Variants in CDKAL1 observed in about 807,000 individuals in gnomAD.
CDKAL1 encodes threonylcarbamoyladenosine tRNA methylthiotransferase.
CDKAL1 carries 32 observed loss-of-function variants against 68.2 expected under a neutral mutation model. That is an observed-to-expected ratio of 0.47 (90% CI 0.35 to 0.63). The LOEUF (loss-of-function observed/expected upper bound fraction) is 0.63, where lower values mean the gene tolerates loss of function less well. Ranked by LOEUF, CDKAL1 falls within the 30% of genes least tolerant of loss-of-function variation. The probability of loss-of-function intolerance (pLI) is 0.00; values close to 1 mark genes in which losing one functional copy is unlikely to be tolerated. For missense variants in CDKAL1, 606 were observed against 696.7 expected (o/e 0.87, Z 1.47); for synonymous variants, 234 against 244.3 (o/e 0.96, Z 0.39).
chr6:21,144,991 G>A (rs569096544), intron 13 of CDKAL1, among the ~76,000 whole-genome samples: 1 of 152,280 alleles, frequency 6.6e-6, no homozygotes, highest in Admixed American at 6.5e-5. Flanking sequence ...GACGTGTCCA[G>A]AATAAGTTCT....
At chr6:20,609,279 C>CTTCTCCTTCTCCTT (rs1766485657) in intron 4 of CDKAL1, among the ~76,000 whole-genome samples, 2 of 146,672 alleles carry the variant, frequency 1.4e-5, no homozygotes, top group Admixed American at 1.4e-4. Flanking sequence ...TCCTTCTCCT[C>CTTCTCCTTCTCCTT]CTTCTCCTTC....
intron 5 of CDKAL1, among the ~76,000 whole-genome samples, chr6:20,697,652 A>G (rs552579748): frequency 6.6e-5 from 10 of 152,210 alleles, no homozygotes; most frequent in South Asian, 2.1e-4. Flanking sequence ...TACCGTTTCA[A>G]TTGGATTTCT....
At chr6:21,111,821 C>T (rs1774133111) in intron 13 of CDKAL1, among the ~76,000 whole-genome samples, 2 of 152,294 alleles carry the variant, frequency 1.3e-5, no homozygotes, top group Middle Eastern at 6.8e-3. Flanking sequence ...AATAAAGACT[C>T]ATACAAAAGG....
intron 12 of CDKAL1, among the ~76,000 whole-genome samples, chr6:21,084,116 CAAA>C (rs2150960976): frequency 6.6e-6 from 1 of 152,242 alleles, no homozygotes; most frequent in African/African-American, 2.4e-5. Context: ...CTTGAAAACT[CAAA>C]ACTCTCAGTG....
At chr6:20,563,655 C>CT (rs1428523136) in intron 4 of CDKAL1, among the ~76,000 whole-genome samples, 2,615 of 143,450 alleles carry the variant, frequency 0.018, 69 homozygotes, top group African/African-American at 0.059. Flanking sequence ...CCAACGAGGG[C>CT]TTTTTTTTTT....
rs939518692 is a variant in CDKAL1, at chr6:20,714,487, C to T, written c.372-25032C>T. Among the ~76,000 whole-genome samples the T allele has an allele frequency of 1.5e-4, 22 of 145,614 alleles. 1 individual carries two copies. The highest frequency in any genetic ancestry group is 1.5e-4 in the Non-Finnish European group (10 of 66,900). On this transcript the variant is annotated intron_variant, in intron 5 of 15. Coordinates refer to ENST00000274695, the MANE Select transcript of CDKAL1 (RefSeq NM_017774.3). ...CACTGCAGCCTTGATTTCCCAGGCT[C>T]AAGTGATCCTCCCACTTCAGCCTCC... is the stretch of plus-strand genomic sequence containing the variant.
At chr6:20,632,707 A>G (rs1306476508) in intron 4 of CDKAL1, among the ~76,000 whole-genome samples, 1 of 152,086 alleles carries the variant, frequency 6.6e-6, no homozygotes, top group Non-Finnish European at 1.5e-5. Context: ...TTATTCTTTT[A>G]TTATTCATTC....
chr6:20,544,745 A>T (rs1283035371), intron 2 of CDKAL1, among the ~76,000 whole-genome samples: 5 of 151,698 alleles, frequency 3.3e-5, no homozygotes, highest in African/African-American at 1.2e-4. Flanking sequence ...TCTTCCTGGG[A>T]TTTTGATAGG....
intron 8 of CDKAL1, among the ~76,000 whole-genome samples, chr6:20,841,055 G>A (rs966254940): frequency 6.6e-6 from 1 of 152,086 alleles, no homozygotes; most frequent in African/African-American, 2.4e-5. Flanking sequence ...GGCTGGTCTC[G>A]AATTCCTGAG....
At chr6:20,998,386 C>T (rs1404633503) in intron 10 of CDKAL1, among the ~76,000 whole-genome samples, 1 of 151,964 alleles carries the variant, frequency 6.6e-6, no homozygotes, top group Non-Finnish European at 1.5e-5. Context: ...CTGAGGCAGG[C>T]GGATCACCTG....
chr6:20,665,814 T>C (rs1769511642), intron 5 of CDKAL1, among the ~76,000 whole-genome samples: 1 of 152,056 alleles, frequency 6.6e-6, no homozygotes, highest in South Asian at 2.1e-4. Flanking sequence ...ATTATAAATA[T>C]ATTTTTTACG....
Position 20,704,762 on chromosome 6 carries a change from C to T in CDKAL1, c.372-34757C>T, listed in dbSNP as rs76079559. 2.2e-3 allele frequency among the ~76,000 whole-genome samples: 330 copies of T among 152,292 alleles called. 1 individual carries two copies. The highest frequency in any genetic ancestry group is 0.01 in the Middle Eastern group (3 of 294). On this transcript the variant is annotated intron_variant, in intron 5 of 15. Coordinates refer to ENST00000274695, the MANE Select transcript of CDKAL1 (RefSeq NM_017774.3). ...TCATTGTTTCTCAAATTAAATCCCA[C>T]TTCTGTGAATCTCTTTGTGATTTAC...
intron 13 of CDKAL1, among the ~76,000 whole-genome samples, chr6:21,187,858 T>A (rs1030099102): frequency 6.6e-6 from 1 of 152,242 alleles, no homozygotes; most frequent in African/African-American, 2.4e-5. Flanking sequence ...TGGTCACTTA[T>A]GTACCTTTTG....
At chr6:20,833,130 A>G (rs1314144481) in intron 8 of CDKAL1, among the ~76,000 whole-genome samples, 2 of 152,174 alleles carry the variant, frequency 1.3e-5, no homozygotes, top group Non-Finnish European at 2.9e-5. Flanking sequence ...ATTGGAATAC[A>G]TTTATTGAAG....
chr6:20,613,652 AATATTTAT>A (rs573424804), intron 4 of CDKAL1, among the ~76,000 whole-genome samples: 165 of 148,716 alleles, frequency 1.1e-3, no homozygotes, highest in African/African-American at 3.9e-3. Context: ...ATATACAGTA[AATATTTAT>A]ATATTTATAT....
intron 13 of CDKAL1, among the ~76,000 whole-genome samples, chr6:21,194,102 A>G (rs1051009531): frequency 2.6e-5 from 4 of 152,184 alleles, no homozygotes; most frequent in African/African-American, 9.7e-5. Context: ...CATTCCCTCA[A>G]GAACTAACTC....
At position 20,984,075 on chromosome 6, in the gene CDKAL1, C is replaced by T. The variant is rs756549778; in HGVS notation, c.910-16152C>T. On this transcript the variant is annotated intron_variant, in intron 10 of 15. Coordinates refer to ENST00000274695, the MANE Select transcript of CDKAL1 (RefSeq NM_017774.3). ...AAGATCGCGTGAAGTAAAACTACTA[C>T]GTTTTTTTCTGAAGTCTAAATGAGA... 2.0e-5 allele frequency among the ~76,000 whole-genome samples: 3 copies of T among 152,184 alleles called. 1 individual carries two copies. Among genetic ancestry groups the T allele is most frequent in the Admixed American group, 2.0e-4 (3 of 15,274 alleles).
At chr6:20,679,831 A>T (rs900558410) in intron 5 of CDKAL1, among the ~76,000 whole-genome samples, 4 of 152,114 alleles carry the variant, frequency 2.6e-5, no homozygotes, top group African/African-American at 9.7e-5. Flanking sequence ...TTTGAAGCCT[A>T]AGGGTTTATT....
chr6:20,541,725 A>T (rs929679404), intron 2 of CDKAL1, among the ~76,000 whole-genome samples: 1 of 151,738 alleles, frequency 6.6e-6, no homozygotes, highest in African/African-American at 2.4e-5. Context: ...CAATGGCGCG[A>T]TCTCGGCTAA....
Sources: allele counts gnomAD v4.1 joint callset (sites outside exome capture counted in the v4.1 genomes callset), GRCh38; gene constraint gnomAD v4.1.1; transcripts MANE v1.5; gene names NCBI Gene and HGNC (gene_info 2026-07-23, HGNC 2026-07-21).